SUPT3H: variants seen among roughly 807,000 people sequenced by gnomAD.
SUPT3H encodes SPT3 homolog, SAGA and STAGA complex component.
SUPT3H carries 44 observed loss-of-function variants against 44.3 expected under a neutral mutation model. That is an observed-to-expected ratio of 0.99 (90% CI 0.78 to 1.28). SUPT3H has a LOEUF of 1.28. SUPT3H is among the 50% of genes most tolerant of loss of function. The probability of loss-of-function intolerance (pLI) is 0.00; values close to 1 mark genes in which losing one functional copy is unlikely to be tolerated. For synonymous variants in SUPT3H, 124 were observed against 125.6 expected (o/e 0.99, Z 0.09); for missense variants, 380 against 387.1 (o/e 0.98, Z 0.15).
At position 44,901,890 on chromosome 6, in the gene SUPT3H, T is replaced by C. The variant is rs559977320; in HGVS notation, c.912+30763A>G. On this transcript the variant is annotated intron_variant, in intron 10 of 10. Coordinates refer to ENST00000371459, the MANE Select transcript of SUPT3H (RefSeq NM_003599.4). The stretch of plus-strand genomic sequence containing the variant: ...TATTCAACATTCTTAAAGAAAAGGA[T>C]TTTCAACCCAGAATTTCATATCCAG... Among the ~76,000 whole-genome samples, 1,497 of 152,146 alleles carry C rather than the reference T, an allele frequency of 9.8e-3. 14 individuals carry two copies. Among genetic ancestry groups the C allele is most frequent in the Non-Finnish European group, 0.012 (843 of 68,008 alleles).
chr6:45,027,645 C>G (rs1293850897), intron 3 of SUPT3H, among the ~76,000 whole-genome samples: 2 of 152,178 alleles, frequency 1.3e-5, no homozygotes, highest in East Asian at 1.9e-4. Flanking sequence ...CGGATTCAAA[C>G]TACAACATCT....
chr6:45,367,512 C>T (rs1581956342), intron 1 of SUPT3H, among the ~76,000 whole-genome samples: 1 of 152,016 alleles, frequency 6.6e-6, no homozygotes, highest in South Asian at 2.1e-4. Context: ...CAAAGGACTT[C>T]CCTAAATAGT....
At chr6:45,176,809 G>A (rs1812012725) in intron 2 of SUPT3H, among the ~76,000 whole-genome samples, 1 of 152,152 alleles carries the variant, frequency 6.6e-6, no homozygotes, top group South Asian at 2.1e-4. Flanking sequence ...CCCCAGCAGG[G>A]GCAGACTGAC....
At chr6:45,271,558 G>A (rs1440701963) in intron 2 of SUPT3H, among the ~76,000 whole-genome samples, 1 of 152,222 alleles carries the variant, frequency 6.6e-6, no homozygotes, top group Non-Finnish European at 1.5e-5. Context: ...GATTTCAGAG[G>A]ATGCATGGTA....
In SUPT3H at chr6:44,879,034, G is replaced by T. The variant is rs183547216; in HGVS notation, c.913-49177C>A. Among the ~76,000 whole-genome samples the T allele has an allele frequency of 3.3e-5, 5 of 152,214 alleles. No homozygotes were observed. In the South Asian group the frequency reaches 8.3e-4, roughly 25 times the overall value. On this transcript the variant is annotated intron_variant, in intron 10 of 10. Transcript: ENST00000371459. ...GACACCGAGCTAGCTCCAGGAGTTT[G>T]TTTTAATACCCCAGTGACACCTGGA...
intron 10 of SUPT3H, among the ~76,000 whole-genome samples, chr6:44,872,602 A>G (rs150300067): frequency 0.33 from 49,824 of 149,326 alleles, 9,232 homozygotes; most frequent in Non-Finnish European, 0.41. Context: ...AACGAGCAAA[A>G]CCACCAGCTA....
chr6:44,877,130 C>T (rs1777438571), intron 10 of SUPT3H, among the ~76,000 whole-genome samples: 1 of 152,142 alleles, frequency 6.6e-6, no homozygotes, highest in Non-Finnish European at 1.5e-5. Context: ...TTTCCCAAGC[C>T]ATTCAACATT....
intron 3 of SUPT3H, among the ~76,000 whole-genome samples, chr6:45,087,334 G>C (rs908615308): frequency 6.6e-6 from 1 of 151,890 alleles, no homozygotes; most frequent in East Asian, 1.9e-4. Context: ...AAGTTAAAAT[G>C]TTTAAAGGGT....
At chr6:44,999,586 C>A (rs9381356) in intron 6 of SUPT3H, among the ~76,000 whole-genome samples, 146,799 of 152,120 alleles carry the variant, frequency 0.97, 70,864 homozygotes, top group East Asian at 1. Flanking sequence ...TGGAGTTGTA[C>A]GATTTTAAGA....
chr6:44,976,432 G>A (rs1294201707), intron 6 of SUPT3H, among the ~76,000 whole-genome samples: 1 of 151,822 alleles, frequency 6.6e-6, no homozygotes, highest in Non-Finnish European at 1.5e-5. Context: ...CGCAATCTTG[G>A]CTCACTGCAA....
At chr6:44,849,709 GA>G (rs2153420873) in intron 10 of SUPT3H, among the ~76,000 whole-genome samples, 1 of 152,206 alleles carries the variant, frequency 6.6e-6, no homozygotes, top group South Asian at 2.1e-4. Flanking sequence ...ATAATCTCAG[GA>G]AATAACTAAA....
chr6:45,338,128 T>C (rs1788974882), intron 2 of SUPT3H, among the ~76,000 whole-genome samples: 1 of 152,070 alleles, frequency 6.6e-6, no homozygotes, highest in Admixed American at 6.6e-5. Flanking sequence ...TAGCCTATCT[T>C]TCTAGCTTTC....
intron 6 of SUPT3H, among the ~76,000 whole-genome samples, chr6:44,965,603 A>T (rs1355264020): frequency 1.3e-5 from 2 of 150,528 alleles, no homozygotes; most frequent in Non-Finnish European, 3.0e-5. Context: ...TAAAAAAAAA[A>T]TGGAACAAAT....
chr6:44,859,246 T>C (rs1011972138), intron 10 of SUPT3H, among the ~76,000 whole-genome samples: 5 of 152,318 alleles, frequency 3.3e-5, no homozygotes, highest in Middle Eastern at 3.4e-3. Flanking sequence ...AAATAACTTA[T>C]AGACTAATCC....
intron 2 of SUPT3H, among the ~76,000 whole-genome samples, chr6:45,307,419 A>C (rs1307255705): frequency 2.0e-5 from 3 of 152,064 alleles, no homozygotes; most frequent in Non-Finnish European, 2.9e-5. Flanking sequence ...CTGAGACGAA[A>C]CCTCCAGAGA....
intron 10 of SUPT3H, among the ~76,000 whole-genome samples, chr6:44,921,562 A>C (rs1241132477): frequency 1.3e-5 from 2 of 152,168 alleles, no homozygotes; most frequent in East Asian, 3.8e-4. Context: ...GTAGAAACCA[A>C]GCTAGCTCTC....
chr6:45,096,803 AG>A (rs1242851772), intron 3 of SUPT3H, among the ~76,000 whole-genome samples: 1 of 152,002 alleles, frequency 6.6e-6, no homozygotes, highest in East Asian at 1.9e-4. Flanking sequence ...TGACTAAGGG[AG>A]GTTTTTTTTT....
chr6:44,960,452 A>C (rs375635280), intron 7 of SUPT3H, among the ~76,000 whole-genome samples: 9 of 148,138 alleles, frequency 6.1e-5, no homozygotes, highest in African/African-American at 2.2e-4. Flanking sequence ...AAGCAAAACA[A>C]AACAAACAAA....
chr6:44,879,101 C>T (rs1777772831), intron 10 of SUPT3H, among the ~76,000 whole-genome samples: 1 of 152,140 alleles, frequency 6.6e-6, no homozygotes, highest in Non-Finnish European at 1.5e-5. Context: ...GGAAAGGGGG[C>T]TGAAGCCAGG....
Sources: gnomAD v4.1 joint callset for allele counts (sites outside exome capture counted in the v4.1 genomes callset) on GRCh38, gnomAD v4.1.1 for gene constraint, MANE v1.5 for transcripts, NCBI Gene and HGNC (gene_info 2026-07-23, HGNC 2026-07-21) for gene names.